Variants in PIK3R5 observed in about 807,000 individuals in gnomAD.
The protein encoded by PIK3R5 is phosphoinositide-3-kinase regulatory subunit 5, also known as phosphoinositide 3-kinase regulatory subunit 5.
Under a neutral mutation model 94.9 loss-of-function variants are expected in PIK3R5, and 32 were observed. The observed-to-expected ratio is 0.34, with a 90% CI of 0.25 to 0.45. The LOEUF (loss-of-function observed/expected upper bound fraction) is 0.45, where lower values mean the gene tolerates loss of function less well. Ranked by LOEUF, PIK3R5 falls within the 20% of genes least tolerant of loss-of-function variation. PIK3R5 has a pLI of 1.00. For synonymous variants in PIK3R5, 443 were observed against 479.4 expected (o/e 0.92, Z 0.99); for missense variants, 853 against 1,144.6 (o/e 0.75, Z 3.68).
chr17:8,946,198 T>C (rs1329177111), intron 1 of PIK3R5, among the ~76,000 whole-genome samples: 2 of 151,936 alleles, frequency 1.3e-5, no homozygotes, highest in African/African-American at 2.4e-5. Context: ...ACACATCTGG[T>C]GTGACTGCCA....
chr17:8,927,602 T>G (rs1170329764), intron 1 of PIK3R5, among the ~76,000 whole-genome samples: 1 of 152,172 alleles, frequency 6.6e-6, no homozygotes, highest in Non-Finnish European at 1.5e-5. Flanking sequence ...AGTAATGAGG[T>G]CATCCCCTCT....
intron 1 of PIK3R5, among the ~76,000 whole-genome samples, chr17:8,946,679 C>T (rs2091277910): frequency 6.6e-6 from 1 of 152,150 alleles, no homozygotes; most frequent in Non-Finnish European, 1.5e-5. Context: ...GCTCACATGC[C>T]AGCATGTGCC....
Position 8,881,904 on chromosome 17 carries a change from C to T in PIK3R5, c.2206-23G>A, listed in dbSNP as rs1309508853. On this transcript the variant is annotated intron_variant, in intron 15 of 18. Coordinates refer to ENST00000447110, the MANE Select transcript of PIK3R5 (RefSeq NM_001142633.3). The surrounding 1 kb of genome is among the most constrained non-coding windows in gnomAD (Gnocchi z 4.8). ...CCCCTGGAAATGCAGTGTAGCCAGA[C>T]CCTCTGAGTCCAGAGGCCCCGGTGC... The T allele has an allele frequency of 1.3e-6, 2 of 1,589,194 alleles. No individual in the cohort carries two copies. The highest frequency in any genetic ancestry group is 1.1e-5 in the South Asian group (1 of 89,590).
At chr17:8,933,110 C>T (rs2091015225) in intron 1 of PIK3R5, among the ~76,000 whole-genome samples, 1 of 151,664 alleles carries the variant, frequency 6.6e-6, no homozygotes, top group Admixed American at 6.6e-5. Flanking sequence ...AAAAACAAAA[C>T]AAAAAAAGGA....
rs1248819426 is a variant in PIK3R5 at position 8,925,433 on chromosome 17, GAGAT to G, written c.-13-13930_-13-13927del. Among the ~76,000 whole-genome samples the G allele has an allele frequency of 2.8e-5, 4 of 143,308 alleles. No homozygotes were observed. The highest frequency in any genetic ancestry group is 7.5e-5 in the African/African-American group (3 of 39,870). The allele number at this position is 143,308 out of a possible 152,430, so 94.0% of individuals were successfully genotyped here. ...GATGGATAGGTAGATAGTAGATGGA[GAGAT>G]AGATAGTAGATGGATAGATAGTAGA... On this transcript the variant is annotated intron_variant, in intron 1 of 18. Coordinates refer to ENST00000447110, the MANE Select transcript of PIK3R5 (RefSeq NM_001142633.3). The surrounding 1 kb of genome is among the most constrained non-coding windows in gnomAD (Gnocchi z 5.1).
rs1466457790 is a variant in PIK3R5, at chr17:8,896,893, G to A, written c.413-3238C>T. Among the ~76,000 whole-genome samples, 2 of 152,178 alleles carry A rather than the reference G, an allele frequency of 1.3e-5. No individual in the cohort carries two copies. Among genetic ancestry groups the A allele is most frequent in the Non-Finnish European group, 1.5e-5 (1 of 68,036 alleles). ...AATCAACAGGGTGGAAGCAGAGCCC[G>A]GCCCCAACGGCATTGCAATCTCCAA... is the stretch of plus-strand genomic sequence containing the variant. On this transcript the variant is annotated intron_variant, in intron 5 of 18. Transcript: ENST00000447110. This position sits in a 1 kb window ranked among gnomAD's most constrained non-coding sequence, Gnocchi z 4.0.
chr17:8,911,480 G>A lies in PIK3R5; in HGVS notation c.15C>T (p.Ala5=), dbSNP rs143670387. 9.5e-4 allele frequency: 1,514 copies of A among 1,599,464 alleles called. 7 individuals are homozygous for A. The African/African-American group carries it at 0.017, about 18-fold the overall frequency. ...GGATGCGGTCCTCCGTGCATGTCGT[G>A]GCCCCTGGCTGCATCCTGGGTCATC... The part of the protein sequence containing the change: MQPG[A]TTCTEDRIQH... Residue 5 remains alanine, a synonymous_variant, in exon 2 of 19, where the codon GCC becomes GCT. Transcript: ENST00000447110. The surrounding 1 kb of genome is among the most constrained non-coding windows in gnomAD (Gnocchi z 5.3).
At chr17:8,918,173 C>A (rs923426930) in intron 1 of PIK3R5, among the ~76,000 whole-genome samples, 2 of 152,190 alleles carry the variant, frequency 1.3e-5, no homozygotes, top group African/African-American at 2.4e-5. Flanking sequence ...GCAATGACAT[C>A]CCAGTAGCAA....
intron 1 of PIK3R5, among the ~76,000 whole-genome samples, chr17:8,934,012 C>T (rs533886304): frequency 4.6e-5 from 7 of 152,158 alleles, no homozygotes; most frequent in South Asian, 2.1e-4. Flanking sequence ...GAAAACTGAA[C>T]GCTTTTCACC....
At chr17:8,941,723 T>A (rs2091184477) in intron 1 of PIK3R5, among the ~76,000 whole-genome samples, 1 of 152,092 alleles carries the variant, frequency 6.6e-6, no homozygotes, top group African/African-American at 2.4e-5. Flanking sequence ...GAGAGGAGTG[T>A]GGCCAGGAAC....
chr17:8,950,802 T>A (rs2091362738), intron 1 of PIK3R5, among the ~76,000 whole-genome samples: 1 of 152,204 alleles, frequency 6.6e-6, no homozygotes. Context: ...TATTTTCCTT[T>A]GGGAATATAC....
At chr17:8,924,086 C>G (rs576447923) in intron 1 of PIK3R5, among the ~76,000 whole-genome samples, 45 of 127,576 alleles carry the variant, frequency 3.5e-4, no homozygotes, top group Non-Finnish European at 6.5e-4. Flanking sequence ...CTTCCCTTCC[C>G]TTTCCTTTTC....
At chr17:8,948,042 TAAAAAAAA>T (rs71135932) in intron 1 of PIK3R5, among the ~76,000 whole-genome samples, 69 of 62,772 alleles carry the variant, frequency 1.1e-3, no homozygotes, top group Non-Finnish European at 1.5e-3. Flanking sequence ...GACTCCGTCT[TAAAAAAAA>T]AAAAAAAAAA....
chr17:8,890,884 C>G lies in PIK3R5; in HGVS notation c.511G>C (p.Val171Leu), dbSNP rs1288698034. The change falls in exon 7 of 19, where the codon GTG (valine) becomes CTG (leucine). Residue 171 changes from valine to leucine, a missense_variant. Around this residue, in one of 6 missense-constraint regions of PIK3R5, gnomAD observed 161 missense variants for 249.5 expected, o/e 0.65. Coordinates refer to ENST00000447110, the MANE Select transcript of PIK3R5 (RefSeq NM_001142633.3). The surrounding 1 kb of genome is among the most constrained non-coding windows in gnomAD (Gnocchi z 6.1). Reference protein sequence around the residue: ...VTVLLLNPVEVQAEFLAVANK... With the variant: ...VTVLLLNPVELQAEFLAVANK... The stretch of plus-strand genomic sequence containing the variant: ...GCTACAGCAAGGAACTCGGCCTGCA[C>G]TTCCACTGGGTTCAGCAGCAGCACG... 6.2e-7 allele frequency: 1 copy of G among 1,613,768 alleles called. No homozygotes were observed. Among genetic ancestry groups the G allele is most frequent in the African/African-American group, 1.3e-5 (1 of 74,958 alleles).
chr17:8,944,747 C>A (rs1209857435), intron 1 of PIK3R5, among the ~76,000 whole-genome samples: 1 of 152,144 alleles, frequency 6.6e-6, no homozygotes, highest in Non-Finnish European at 1.5e-5. Flanking sequence ...TACCAGGACA[C>A]GGAGCTGGAG....
At chr17:8,922,717 T>C (rs1419843265) in intron 1 of PIK3R5, among the ~76,000 whole-genome samples, 1 of 152,134 alleles carries the variant, frequency 6.6e-6, no homozygotes, top group Non-Finnish European at 1.5e-5. Flanking sequence ...TCCTAGCTTA[T>C]TTTTCAAGAT....
intron 15 of PIK3R5, among the ~76,000 whole-genome samples, chr17:8,883,394 C>G (rs1428052444): frequency 6.6e-6 from 1 of 152,200 alleles, no homozygotes; most frequent in Admixed American, 6.5e-5. Context: ...AACCACAAAA[C>G]TCCTTTCATT....
rs531306294 is a variant in PIK3R5 at position 8,904,805 on chromosome 17, G to C, written c.384C>G (p.Thr128=). 3 of 1,614,186 alleles carry C rather than the reference G, an allele frequency of 1.9e-6. No homozygotes were observed. In the African/African-American group the frequency reaches 4.0e-5, roughly 22 times the overall value. The change falls in exon 5 of 19, where the codon ACC becomes ACG. Residue 128 remains threonine, a synonymous_variant. Transcript: ENST00000447110. This position sits in a 1 kb window ranked among gnomAD's most constrained non-coding sequence, Gnocchi z 5.1. ...GGGCCTTGAGTTCAGCATCAATGAA[G>C]GTGAGCAGCTCCTGGCAGATGCTGC... ...PYCSICQELL[T]FIDAELKAPG... is the part of the protein sequence containing the mutation.
At chr17:8,934,475 T>C (rs2091038640) in intron 1 of PIK3R5, among the ~76,000 whole-genome samples, 1 of 152,242 alleles carries the variant, frequency 6.6e-6, no homozygotes. Flanking sequence ...ATTGATATTA[T>C]GTCAGTTTTC....
Sources: gnomAD v4.1 joint callset for allele counts (sites outside exome capture counted in the v4.1 genomes callset) on GRCh38, gnomAD v4.1.1 for gene constraint, gnomAD v4.1.1 regional missense constraint, Gnocchi (gnomAD v3.1) non-coding constraint, MANE v1.5 for transcripts, NCBI Gene and HGNC (gene_info 2026-07-23, HGNC 2026-07-21) for gene names.